RGL4: variants seen among roughly 807,000 people sequenced by gnomAD.
RGL4 encodes the protein ral guanine nucleotide dissociation stimulator like 4.
A neutral mutation model predicts 49.6 loss-of-function variants in RGL4; 41 were observed. The observed-to-expected ratio is 0.83, with a 90% CI of 0.64 to 1.07. RGL4 has a LOEUF of 1.07. RGL4 is among the 50% of genes least tolerant of loss of function. The probability of loss-of-function intolerance (pLI) is 0.00; values close to 1 mark genes in which losing one functional copy is unlikely to be tolerated. For missense variants in RGL4, 610 were observed against 591.9 expected, an observed-to-expected ratio of 1.03 and a Z score of -0.32; for synonymous variants, 255 against 238.0, an observed-to-expected ratio of 1.07 and a Z score of -0.66.
chr22:23,698,296 T>C lies in RGL4; in HGVS notation c.1345T>C (p.Tyr449His). ...RLRPLEKFVT[Y>H]FTRMEQLSDK... ...TCGGCCTCTTGAGAAATTTGTCACCTATTTCACAAGAATGGAGCAGCTCAG... is the reference window on the plus strand; with the variant it reads ...TCGGCCTCTTGAGAAATTTGTCACCCATTTCACAAGAATGGAGCAGCTCAG... The change falls in exon 10 of 11, where the codon TAT becomes CAT. Residue 449 changes from tyrosine to histidine, a missense_variant. Physicochemically the swap from Tyr to His is moderately conservative, Grantham distance 83. Coordinates refer to ENST00000290691, the MANE Select transcript of RGL4 (RefSeq NM_153615.2). 6.2e-7 allele frequency: 1 copy of C among 1,611,008 alleles called. No individual in the cohort carries two copies. The highest frequency in any genetic ancestry group is 8.5e-7 in the Non-Finnish European group (1 of 1,177,448).
rs1472218100 is a variant in RGL4 at position 23,694,418 on chromosome 22, T to G, written c.984T>G (p.Gly328=). Reference sequence around the variant, plus strand: ...CTGCTCTGTGCAGCAACCCAATAGGTCAGCTACACAAGACGTGGGCAGGAG... The same window carrying G: ...CTGCTCTGTGCAGCAACCCAATAGGGCAGCTACACAAGACGTGGGCAGGAG... ...IVSALCSNPI[G]QLHKTWAGVS... is the part of the protein sequence containing the mutation. Residue 328 remains glycine (G), a synonymous_variant, in exon 5 of 11, where the codon GGT becomes GGG. Coordinates refer to ENST00000290691, the MANE Select transcript of RGL4 (RefSeq NM_153615.2). 2.5e-6 allele frequency: 4 copies of G among 1,613,752 alleles called. No homozygotes were observed. Among genetic ancestry groups the G allele is most frequent in the Non-Finnish European group, 3.4e-6 (4 of 1,179,844 alleles).
At position 23,698,972 on chromosome 22, in the gene RGL4, C is replaced by T; in HGVS notation, c.*89C>T. 1.9e-6 allele frequency: 3 copies of T among 1,570,434 alleles called. No homozygotes were observed. The highest frequency in any genetic ancestry group is 2.6e-6 in the Non-Finnish European group (3 of 1,157,326). ...CCATCCCTCACCCAGACCGTAGACA[C>T]CAGGGAACCACATCTAGGAGGCTGG... On this transcript the variant is annotated 3_prime_UTR_variant, in exon 11 of 11. Coordinates refer to ENST00000290691, the MANE Select transcript of RGL4 (RefSeq NM_153615.2).
intron 6 of RGL4, chr22:23,695,451 CT>C (rs1400490723): frequency 2.7e-5 from 16 of 598,554 alleles, no homozygotes; most frequent in Non-Finnish European, 4.2e-5. Flanking sequence ...GCTGCTGCTG[CT>C]GCTGCTGCTG....
chr22:23,698,505 C>G lies in RGL4; in HGVS notation c.1382+172C>G, dbSNP rs45570945. ...CAGCCTCCCAAGCAGCTGGGACTACCGCTGTACACCACCATGTCCGGTTGT... is the reference window on the plus strand; with the variant it reads ...CAGCCTCCCAAGCAGCTGGGACTACGGCTGTACACCACCATGTCCGGTTGT... On this transcript the variant is annotated intron_variant, in intron 10 of 10. Coordinates refer to ENST00000290691, the MANE Select transcript of RGL4 (RefSeq NM_153615.2). 19 of 763,470 alleles carry G rather than the reference C, an allele frequency of 2.5e-5. No individual in the cohort carries two copies. In the South Asian group the frequency reaches 2.5e-4, roughly 10 times the overall value. 47.3% of individuals were successfully genotyped at this position (763,470 alleles called of 1,614,324 possible).
chr22:23,698,297 A>G lies in RGL4; in HGVS notation c.1346A>G (p.Tyr449Cys), dbSNP rs1188289040. ...CGGCCTCTTGAGAAATTTGTCACCTATTTCACAAGAATGGAGCAGCTCAGT... is the reference window on the plus strand; with the variant it reads ...CGGCCTCTTGAGAAATTTGTCACCTGTTTCACAAGAATGGAGCAGCTCAGT... ...RLRPLEKFVTYFTRMEQLSDK... is the reference protein window; with the variant it reads ...RLRPLEKFVTCFTRMEQLSDK... Residue 449 changes from tyrosine to cysteine, a missense_variant, in exon 10 of 11, where the codon TAT becomes TGT. Tyr to Cys is a radical substitution (Grantham distance 194, BLOSUM62 -2). Coordinates refer to ENST00000290691, the MANE Select transcript of RGL4 (RefSeq NM_153615.2). 4 of 1,610,636 alleles carry G rather than the reference A, an allele frequency of 2.5e-6. No homozygotes were observed. Among genetic ancestry groups the G allele is most frequent in the African/African-American group, 2.7e-5 (2 of 74,786 alleles).
rs1248953188 is a variant in RGL4, at chr22:23,698,193, T to A, written c.1261-19T>A. The stretch of plus-strand genomic sequence containing the variant: ...AACTTCCACCCAGGCCCTGTCAGCA[T>A]CCTGTCCTCTGTCTCTAGGAGGTCC... On this transcript the variant is annotated intron_variant, in intron 9 of 10. Transcript: ENST00000290691. 6.3e-7 allele frequency: 1 copy of A among 1,593,410 alleles called. No homozygotes were observed. The highest frequency in any genetic ancestry group is 8.6e-7 in the Non-Finnish European group (1 of 1,163,820).
chr22:23,694,155 C>T lies in RGL4; in HGVS notation c.912+181C>T, dbSNP rs993433554. On this transcript the variant is annotated intron_variant, in intron 4 of 10. Transcript: ENST00000290691. ...CGGCCCAGTGGTGGCTGCTCACTTC[C>T]GACCTGGGGTCTTCCTTGGGTTGAA... 7 of 712,090 alleles carry T rather than the reference C, an allele frequency of 9.8e-6. No homozygotes were observed. The Admixed American group carries it at 1.7e-4, about 17-fold the overall frequency. 44.1% of individuals were successfully genotyped at this position (712,090 alleles called of 1,614,324 possible).
chr22:23,693,045 G>C, intron 3 of RGL4, 54 bp downstream of exon 3: 1 of 1,528,362 alleles, frequency 6.5e-7, no homozygotes, highest in Middle Eastern at 2.0e-4. Context: ...TCTCAGACCA[G>C]CCTCTCCCTG....
At chr22:23,694,193 T>C in intron 4 of RGL4, 154 bp from the exon 5 acceptor site, 3 of 722,302 alleles carry the variant, frequency 4.2e-6, no homozygotes, top group Admixed American at 4.6e-5. Flanking sequence ...AAAATCCTCC[T>C]AGATGAGTGA....
chr22:23,696,816 T>C, intron 7 of RGL4, 128 bp downstream of exon 7: 1 of 795,572 alleles, frequency 1.3e-6, no homozygotes, highest in Non-Finnish European at 2.0e-6. Context: ...CTGTGGCCAC[T>C]GGGCCTGGAA....
In RGL4 at chr22:23,699,065, G is replaced by C. The variant is rs1923729284; in HGVS notation, c.*182G>C. On this transcript the variant is annotated 3_prime_UTR_variant, in exon 11 of 11. Coordinates refer to ENST00000290691, the MANE Select transcript of RGL4 (RefSeq NM_153615.2). Reference sequence around the variant, plus strand: ...TCCTGCTGGCCAGGATCAGGCCATGGGACTTTTGTGAGTCAGGCGGGAGAC... The same window carrying C: ...TCCTGCTGGCCAGGATCAGGCCATGCGACTTTTGTGAGTCAGGCGGGAGAC... 1 of 1,543,658 alleles carries C rather than the reference G, an allele frequency of 6.5e-7. No individual in the cohort carries two copies.
In RGL4 at chr22:23,693,753, C is replaced by T. The variant is rs368806473; in HGVS notation, c.697-6C>T. The T allele has an allele frequency of 5.6e-6, 9 of 1,612,536 alleles. No individual in the cohort carries two copies. The highest frequency in any genetic ancestry group is 4.0e-5 in the African/African-American group (3 of 74,868). ...GTGTCCGTGACACTCTCCTCCTCCC[C>T]CAAAGGAGCTGTTCAAGAAGGTGGT... is the stretch of plus-strand genomic sequence containing the variant. On this transcript the variant is annotated splice_region_variant and splice_polypyrimidine_tract_variant and intron_variant, in intron 3 of 10. Coordinates refer to ENST00000290691, the MANE Select transcript of RGL4 (RefSeq NM_153615.2).
chr22:23,692,154 A>C lies in RGL4; in HGVS notation c.124A>C (p.Thr42Pro), dbSNP rs761621316. 5 of 1,614,080 alleles carry C rather than the reference A, an allele frequency of 3.1e-6. No individual in the cohort carries two copies. The highest frequency in any genetic ancestry group is 3.4e-6 in the Non-Finnish European group (4 of 1,180,040). The change falls in exon 1 of 11, where the codon ACA becomes CCA. Residue 42 changes from threonine to proline, a missense_variant. By Grantham distance (38) the Thr-to-Pro change is conservative. Transcript: ENST00000290691. ...CGTPGRTRVC[T>P]ALLYGQVCPF... ...GACGCCAGGGCGCACGAGGGTCTGT[A>C]CAGCCCTGCTGTATGGCCAGGTCTG...
Position 23,692,058 on chromosome 22 carries a change from G to A in RGL4, c.28G>A (p.Ala10Thr), listed in dbSNP as rs1923165382. The A allele has an allele frequency of 6.2e-7, 1 of 1,614,066 alleles. No homozygotes were observed. Among genetic ancestry groups the A allele is most frequent in the African/African-American group, 1.3e-5 (1 of 75,026 alleles). Reference protein sequence around the residue: MRKLLTNLPAAAVLSAQVYS... With the variant: MRKLLTNLPTAAVLSAQVYS... ...GAGGAAGCTGCTCACAAATCTGCCT[G>A]CAGCTGCAGTCTTGAGTGCCCAGGT... Residue 10 changes from alanine to threonine, a missense_variant, in exon 1 of 11, where the codon GCA (alanine) becomes ACA (threonine). By Grantham distance (58) the Ala-to-Thr change is moderately conservative (BLOSUM62 0). Coordinates refer to ENST00000290691, the MANE Select transcript of RGL4 (RefSeq NM_153615.2).
In RGL4 at chr22:23,691,182, C is replaced by T. The variant is rs1986310732; in HGVS notation, c.-849C>T. The T allele has an allele frequency of 6.6e-6, 1 of 152,222 alleles. No homozygotes were observed. Among genetic ancestry groups the T allele is most frequent in the African/African-American group, 2.4e-5 (1 of 41,432 alleles). The allele number at this position is 152,222 out of a possible 1,614,324, so 9.4% of individuals were successfully genotyped here. On this transcript the variant is annotated 5_prime_UTR_variant, in exon 1 of 11. Transcript: ENST00000290691. ...GGGGTGCTGTGATTCATGTTTGTTA[C>T]TTTTCTCTTCCCCCTCACTTGAAGC...
At chr22:23,698,034 C>A in intron 9 of RGL4, 173 bp downstream of exon 9, 3 of 1,170,834 alleles carry the variant, frequency 2.6e-6, no homozygotes, top group Non-Finnish European at 3.7e-6. Flanking sequence ...GCACTGGAAT[C>A]AAAGACCAAT....
intron 5 of RGL4, 69 bp downstream of exon 5, chr22:23,694,519 C>T (rs1034680968): frequency 2.8e-6 from 3 of 1,069,996 alleles, no homozygotes; most frequent in South Asian, 1.3e-5. Flanking sequence ...CCCCATGTGC[C>T]CTCAATGACT....
chr22:23,698,083 AG>A, intron 9 of RGL4, 128 bp from the exon 10 acceptor site: 1 of 1,310,416 alleles, frequency 7.6e-7, no homozygotes, highest in Non-Finnish European at 1.0e-6. Context: ...CTCTGAGAAC[AG>A]GCTGGGGGCG....
intron 6 of RGL4, chr22:23,695,658 C>A: frequency 3.1e-6 from 1 of 318,400 alleles, no homozygotes; most frequent in Non-Finnish European, 6.2e-6. Flanking sequence ...TTGCAGACAC[C>A]CAAAAACGGT....
Sources: gnomAD v4.1 joint callset for allele counts on GRCh38, gnomAD v4.1.1 for gene constraint, MANE v1.5 for transcripts, NCBI Gene and HGNC (gene_info 2026-07-23, HGNC 2026-07-21) for gene names.